Variants in SERF1B observed in about 807,000 individuals in gnomAD.
The protein encoded by SERF1B is small EDRK-rich factor 1B.
chr5:70,038,258 G>C (rs1270427556), intron 2 of SERF1B, among the ~76,000 whole-genome samples: 1 of 149,968 alleles, frequency 6.7e-6, no homozygotes, highest in African/African-American at 2.5e-5. Flanking sequence ...GGGGCTGTTA[G>C]GGTAGCTTAT....
At chr5:70,038,412 C>T (rs1374733415) in intron 2 of SERF1B, among the ~76,000 whole-genome samples, 1 of 100,132 alleles carries the variant, frequency 1.0e-5, no homozygotes, top group Non-Finnish European at 2.0e-5. Context: ...AGATCGAGAC[C>T]GTCCTGGCTA....
intron 2 of SERF1B, chr5:70,029,767 T>TA (rs1774126366): frequency 2.2e-6 from 1 of 452,894 alleles, no homozygotes; most frequent in Admixed American, 2.4e-5. Flanking sequence ...TTTTCCCAGA[T>TA]ATGGCGTCTT....
At chr5:70,028,912 G>A (rs1314523253) in intron 2 of SERF1B, among the ~76,000 whole-genome samples, 5 of 151,374 alleles carry the variant, frequency 3.3e-5, no homozygotes, top group African/African-American at 1.2e-4. Context: ...GGGAGGCGGA[G>A]CTTGCAGTGA....
intron 2 of SERF1B, among the ~76,000 whole-genome samples, chr5:70,029,544 T>C (rs1291198246): frequency 1.4e-5 from 2 of 147,960 alleles, no homozygotes; most frequent in African/African-American, 5.0e-5. Flanking sequence ...ACATGTGCCA[T>C]GTTGGTTTGC....
At chr5:70,037,577 A>C (rs1299432191) in intron 2 of SERF1B, among the ~76,000 whole-genome samples, 4 of 150,880 alleles carry the variant, frequency 2.7e-5, no homozygotes, top group African/African-American at 9.8e-5. Context: ...TGAACCCGGG[A>C]GGTGGAGATT....
intron 2 of SERF1B, among the ~76,000 whole-genome samples, chr5:70,036,594 TACACACACACACACACAC>T (rs1212936359): frequency 9.4e-6 from 1 of 106,410 alleles, no homozygotes; most frequent in Non-Finnish European, 1.8e-5. Flanking sequence ...TCTCAAAACA[TACACACACACACACACAC>T]ACACACACAC....
chr5:70,029,795 G>T, intron 2 of SERF1B: 1 of 448,696 alleles, frequency 2.2e-6, no homozygotes, highest in African/African-American at 2.1e-5. Flanking sequence ...GACCCAGACT[G>T]GAGTGCAGTG....
At chr5:70,035,330 TGA>T (rs1439234361) in intron 2 of SERF1B, among the ~76,000 whole-genome samples, 14 of 133,934 alleles carry the variant, frequency 1.0e-4, no homozygotes, top group East Asian at 4.1e-4. Context: ...ATTACAGATA[TGA>T]GCCACCATGC....
chr5:70,036,623 ACACACACT>A (rs1303056642), intron 2 of SERF1B, among the ~76,000 whole-genome samples: 18 of 83,456 alleles, frequency 2.2e-4, no homozygotes, highest in African/African-American at 7.8e-4. Context: ...ACACACACAC[ACACACACT>A]CTCTCTCTCT....
chr5:70,036,665 A>T lies in SERF1B; in HGVS notation c.117-4859A>T, dbSNP rs996539887. ...CTCTCTCTCTCTCTCTCTCTCTCTC[A>T]AAAACACTTGGTCTGTTATTTTTAC... On this transcript the variant is annotated intron_variant, in intron 2 of 2. Transcript: ENST00000380750. 0.022 allele frequency among the ~76,000 whole-genome samples: 828 copies of T among 37,062 alleles called. 1 individual carries two copies. The East Asian group carries it at 0.29, about 13-fold the overall frequency. 24.3% of individuals were successfully genotyped at this position (37,062 alleles called of 152,430 possible).
At chr5:70,028,413 C>T (rs1227414685) in intron 2 of SERF1B, among the ~76,000 whole-genome samples, 34 of 151,076 alleles carry the variant, frequency 2.3e-4, no homozygotes, top group African/African-American at 7.8e-4. Flanking sequence ...CTTAGCCGGG[C>T]GAGGTGGCAG....
At chr5:70,038,466 C>T (rs1270382873) in intron 2 of SERF1B, among the ~76,000 whole-genome samples, 6 of 69,382 alleles carry the variant, frequency 8.6e-5, no homozygotes, top group East Asian at 3.9e-4. Context: ...AAACATTAGC[C>T]GGGCATGGTG....
Position 70,036,629 on chromosome 5 carries a change from A to ACACACTCTCTCT in SERF1B, c.117-4894_117-4893insACACTCTCTCTC, listed in dbSNP as rs763495681. 8.9e-3 allele frequency among the ~76,000 whole-genome samples: 445 copies of ACACACTCTCTCT among 49,962 alleles called. 4 individuals carry two copies. The highest frequency in any genetic ancestry group is 0.02 in the South Asian group (30 of 1,538). 32.8% of individuals were successfully genotyped at this position (49,962 alleles called of 152,430 possible). On this transcript the variant is annotated intron_variant, in intron 2 of 2. Coordinates refer to ENST00000380750, the MANE Select transcript of SERF1B (RefSeq NM_022978.3). ...CACACACACACACACACACACACAC[A>ACACACTCTCTCT]CTCTCTCTCTCTCTCTCTCTCTCTC...
chr5:70,035,440 G>T, intron 2 of SERF1B, among the ~76,000 whole-genome samples: 1 of 110,518 alleles, frequency 9.0e-6, no homozygotes, highest in Non-Finnish European at 1.9e-5. Flanking sequence ...GGAGTGCAGT[G>T]GCGTGATACT....
chr5:70,036,629 A>ACACACTCTCTCTCTCTCTCT (rs763495681), intron 2 of SERF1B, among the ~76,000 whole-genome samples: 77 of 49,906 alleles, frequency 1.5e-3, no homozygotes, highest in Non-Finnish European at 2.5e-3. Flanking sequence ...ACACACACAC[A>ACACACTCTCTCTCTCTCTCT]CTCTCTCTCT....
At chr5:70,028,948 G>A (rs1398826706) in intron 2 of SERF1B, among the ~76,000 whole-genome samples, 13 of 151,854 alleles carry the variant, frequency 8.6e-5, no homozygotes, top group African/African-American at 3.1e-4. Context: ...CCGCACTCCA[G>A]CCTGGGCGAC....
rs1302664567 is a variant in SERF1B at position 70,028,561 on chromosome 5, A to AAG, written c.116+2047_116+2048insGA. Among the ~76,000 whole-genome samples the AAG allele has an allele frequency of 8.4e-3, 1,123 of 134,010 alleles. 2 individuals are homozygous for AAG. Among genetic ancestry groups the AAG allele is most frequent in the Non-Finnish European group, 0.013 (772 of 61,272 alleles). The allele number at this position is 134,010 out of a possible 152,430, so 87.9% of individuals were successfully genotyped here. A position where few individuals can be genotyped will look rare whatever the true frequency, so the allele number is the denominator to read the frequency against. On this transcript the variant is annotated intron_variant, in intron 2 of 2. Coordinates refer to ENST00000380750, the MANE Select transcript of SERF1B (RefSeq NM_022978.3). ...GAGCGAGACTCCGTCTCAAAAAAAA[A>AAG]AAAAGCCAACTGTGGTGGCGAACAC...
chr5:70,038,568 C>G (rs1427010983), intron 2 of SERF1B, among the ~76,000 whole-genome samples: 1 of 16,230 alleles, frequency 6.2e-5, no homozygotes, highest in East Asian at 8.3e-4. Flanking sequence ...CGAGATCATG[C>G]CACTGCACTC....
chr5:70,041,414 A>C (rs1774256035), intron 2 of SERF1B, 110 bp from the exon 3 acceptor site: 1 of 679,730 alleles, frequency 1.5e-6, no homozygotes, highest in African/African-American at 1.8e-5. Context: ...ATGCATACAC[A>C]CACATACACA....
Sources: allele counts gnomAD v4.1 joint callset (sites outside exome capture counted in the v4.1 genomes callset), GRCh38; gene constraint gnomAD v4.1.1; transcripts MANE v1.5; gene names NCBI Gene and HGNC (gene_info 2026-07-23, HGNC 2026-07-21).